USP32: variants seen among roughly 807,000 people sequenced by gnomAD.
The protein encoded by USP32 is ubiquitin specific peptidase 32.
Under a neutral mutation model 204.8 loss-of-function variants are expected in USP32, and 59 were observed. That is an observed-to-expected ratio of 0.29 (90% CI 0.23 to 0.36). The LOEUF is 0.36. Among genes scored for constraint, USP32 ranks in the 10% least tolerant of loss-of-function variants. USP32 has a pLI of 1.00. For synonymous variants in USP32, 517 were observed against 678.4 expected (o/e 0.76, Z 3.70); for missense variants, 1,160 against 1,946.4 (o/e 0.60, Z 7.60).
intron 11 of USP32, among the ~76,000 whole-genome samples, chr17:60,237,112 CTCTATCTA>C (rs35524070): frequency 0.15 from 20,867 of 138,010 alleles, 1,679 homozygotes; most frequent in African/African-American, 0.22. Context: ...AAAAAATCTA[CTCTATCTA>C]TCTATCTATC....
chr17:60,385,195 C>T (rs2089708787), intron 1 of USP32, among the ~76,000 whole-genome samples: 1 of 152,168 alleles, frequency 6.6e-6, no homozygotes. Flanking sequence ...CCACTGGGCA[C>T]CTCGTGACCC....
At chr17:60,307,462 C>T (rs924524179) in intron 2 of USP32, among the ~76,000 whole-genome samples, 1 of 152,090 alleles carries the variant, frequency 6.6e-6, no homozygotes, top group Non-Finnish European at 1.5e-5. Context: ...GATGCAATCC[C>T]TATCAAAATA....
intron 1 of USP32, among the ~76,000 whole-genome samples, chr17:60,383,467 A>G (rs1367126188): frequency 6.6e-6 from 1 of 152,226 alleles, no homozygotes; most frequent in African/African-American, 2.4e-5. Flanking sequence ...CACTGCACCT[A>G]TCCTGACACT....
chr17:60,188,970 G>A (rs1468357720), intron 29 of USP32, among the ~76,000 whole-genome samples: 2 of 152,228 alleles, frequency 1.3e-5, no homozygotes, highest in South Asian at 2.1e-4. Context: ...AACAGGTCAC[G>A]TAGGCCGTTT....
At chr17:60,356,513 G>A (rs2146039887) in intron 1 of USP32, among the ~76,000 whole-genome samples, 1 of 152,268 alleles carries the variant, frequency 6.6e-6, no homozygotes, top group African/African-American at 2.4e-5. Context: ...CCTCCGCCAA[G>A]GCTGAACTTA....
At chr17:60,391,337 A>G (rs535911642) in intron 1 of USP32, among the ~76,000 whole-genome samples, 1 of 152,328 alleles carries the variant, frequency 6.6e-6, no homozygotes, top group South Asian at 2.1e-4. Flanking sequence ...GAAGGGTGGC[A>G]GAAGCGGATG....
intron 1 of USP32, among the ~76,000 whole-genome samples, chr17:60,379,963 G>C (rs1343802487): frequency 6.6e-6 from 1 of 152,128 alleles, no homozygotes; most frequent in African/African-American, 2.4e-5. Flanking sequence ...ATCTAGTTGG[G>C]AGAGTAAATT....
intron 1 of USP32, among the ~76,000 whole-genome samples, chr17:60,381,140 C>T (rs929439695): frequency 6.6e-5 from 10 of 152,116 alleles, no homozygotes; most frequent in Admixed American, 3.3e-4. Flanking sequence ...CCATTTATTA[C>T]GTCAACATTT....
chr17:60,390,308 C>T (rs987752070), intron 1 of USP32, among the ~76,000 whole-genome samples: 2 of 152,206 alleles, frequency 1.3e-5, no homozygotes, highest in African/African-American at 2.4e-5. Flanking sequence ...ACTTAAGAAA[C>T]ACTTCTGAAC....
intron 27 of USP32, among the ~76,000 whole-genome samples, chr17:60,193,947 G>A (rs1304779252): frequency 6.6e-6 from 1 of 152,174 alleles, no homozygotes; most frequent in African/African-American, 2.4e-5. Flanking sequence ...CTCATAGAAA[G>A]CTGTGCAGCA....
chr17:60,339,873 AAT>A (rs1469832257), intron 2 of USP32, among the ~76,000 whole-genome samples: 2 of 152,234 alleles, frequency 1.3e-5, no homozygotes, highest in South Asian at 2.1e-4. Context: ...GCTCTTAAAA[AAT>A]ATATGTTATT....
At chr17:60,365,251 C>T (rs568197211) in intron 1 of USP32, among the ~76,000 whole-genome samples, 2 of 152,046 alleles carry the variant, frequency 1.3e-5, no homozygotes, top group East Asian at 1.9e-4. Context: ...GAGGCCGAGG[C>T]GGGTGGATCA....
chr17:60,272,773 T>C (rs1054395996), intron 5 of USP32, among the ~76,000 whole-genome samples: 1 of 152,112 alleles, frequency 6.6e-6, no homozygotes, highest in Non-Finnish European at 1.5e-5. Flanking sequence ...AGAGATTTCA[T>C]TGAGTTAAGA....
chr17:60,376,293 G>A (rs997901689), intron 1 of USP32, among the ~76,000 whole-genome samples: 3 of 151,312 alleles, frequency 2.0e-5, no homozygotes, highest in East Asian at 3.9e-4. Flanking sequence ...GAAAAGTAAC[G>A]GTTTCTAAGA....
At chr17:60,231,282 CAT>C (rs1169006803) in intron 12 of USP32, among the ~76,000 whole-genome samples, 5 of 152,200 alleles carry the variant, frequency 3.3e-5, no homozygotes, top group Non-Finnish European at 7.3e-5. Context: ...ATGTCAATTT[CAT>C]ATTTCACTAG....
chr17:60,235,571 A>G (rs1361193564), intron 12 of USP32, among the ~76,000 whole-genome samples: 1 of 152,234 alleles, frequency 6.6e-6, no homozygotes, highest in Admixed American at 6.5e-5. Context: ...TTTGGCAATG[A>G]GTGTATATAT....
intron 9 of USP32, among the ~76,000 whole-genome samples, chr17:60,259,306 T>C (rs1262642001): frequency 6.6e-6 from 1 of 152,220 alleles, no homozygotes; most frequent in Non-Finnish European, 1.5e-5. Context: ...TATTTTTCAC[T>C]GAGCTGTATT....
rs544647365 is a variant in USP32 at position 60,204,657 on chromosome 17, T to C, written c.3249+790A>G. ...CTAATTTTTTTATTTTTAGTAGAGA[T>C]GGGGTTTCACCACATTGGCCAGGCT... On this transcript the variant is annotated intron_variant, in intron 26 of 33. Coordinates refer to ENST00000300896, the MANE Select transcript of USP32 (RefSeq NM_032582.4). Among the ~76,000 whole-genome samples, 29 of 152,152 alleles carry C rather than the reference T, an allele frequency of 1.9e-4. No individual in the cohort carries two copies. The South Asian group carries it at 4.8e-3, about 25-fold the overall frequency.
intron 2 of USP32, chr17:60,316,091 T>G: frequency 4.0e-6 from 1 of 249,092 alleles, no homozygotes; most frequent in Admixed American, 5.3e-5. Flanking sequence ...TTACTGGTGC[T>G]CTGCAGGAGG....
Sources: gnomAD v4.1 joint callset for allele counts (sites outside exome capture counted in the v4.1 genomes callset) on GRCh38, gnomAD v4.1.1 for gene constraint, MANE v1.5 for transcripts, NCBI Gene and HGNC (gene_info 2026-07-23, HGNC 2026-07-21) for gene names.